Variants in PIK3R5 observed in about 807,000 individuals in gnomAD.
PIK3R5 encodes the protein phosphoinositide-3-kinase regulatory subunit 5, also known as phosphoinositide 3-kinase regulatory subunit 5.
Under a neutral mutation model 94.9 loss-of-function variants are expected in PIK3R5, and 32 were observed. The ratio of observed to expected loss-of-function variants is 0.34; its 90% CI spans 0.25 to 0.45. PIK3R5 has a LOEUF of 0.45. PIK3R5 is among the 20% of genes least tolerant of loss of function. PIK3R5 has a pLI of 1.00. For missense variants in PIK3R5, 853 were observed against 1,144.6 expected, an observed-to-expected ratio of 0.75 and a Z score of 3.68; for synonymous variants, 443 against 479.4, an observed-to-expected ratio of 0.92 and a Z score of 0.99.
chr17:8,903,954 T>G (rs553938610), intron 5 of PIK3R5, among the ~76,000 whole-genome samples: 1 of 152,362 alleles, frequency 6.6e-6, no homozygotes, highest in East Asian at 1.9e-4. Context: ...AGAGGAAGAT[T>G]ATTGGCTCTA....
At chr17:8,907,504 T>C (rs986974276) in intron 3 of PIK3R5, among the ~76,000 whole-genome samples, 1 of 152,164 alleles carries the variant, frequency 6.6e-6, no homozygotes, top group Admixed American at 6.5e-5. Flanking sequence ...TTATAGACTT[T>C]TATGACCTTT....
At chr17:8,895,805 C>T (rs1487477316) in intron 5 of PIK3R5, among the ~76,000 whole-genome samples, 2 of 152,112 alleles carry the variant, frequency 1.3e-5, no homozygotes, top group Non-Finnish European at 2.9e-5. Context: ...ATACCTGTGC[C>T]TCTTGGCACA....
rs140997643 is a variant in PIK3R5, at chr17:8,884,551, C to T, written c.2205+156G>A. Among the ~76,000 whole-genome samples the T allele has an allele frequency of 3.9e-5, 6 of 152,290 alleles. No individual in the cohort carries two copies. Among genetic ancestry groups the T allele is most frequent in the African/African-American group, 1.2e-4 (5 of 41,542 alleles). On this transcript the variant is annotated intron_variant, in intron 15 of 18. Transcript: ENST00000447110. This position sits in a 1 kb window ranked among gnomAD's most constrained non-coding sequence, Gnocchi z 5.8. ...CACAGAGATATCCACTCCTTCCCTT[C>T]TCTGCTTCTCTCAGCATCCAGGGGA...
At chr17:8,947,703 G>A (rs956812748) in intron 1 of PIK3R5, among the ~76,000 whole-genome samples, 6 of 152,116 alleles carry the variant, frequency 3.9e-5, no homozygotes, top group African/African-American at 1.4e-4. Context: ...CCAAGTTAAG[G>A]TGATACGAAA....
At chr17:8,926,298 T>C (rs1384785200) in intron 1 of PIK3R5, among the ~76,000 whole-genome samples, 1 of 152,028 alleles carries the variant, frequency 6.6e-6, no homozygotes, top group East Asian at 1.9e-4. Flanking sequence ...GGCAACTGCT[T>C]TGGGAAGCTT....
At chr17:8,941,589 G>C (rs2091180144) in intron 1 of PIK3R5, among the ~76,000 whole-genome samples, 1 of 152,230 alleles carries the variant, frequency 6.6e-6, no homozygotes, top group Non-Finnish European at 1.5e-5. Context: ...AAGCTGTGCT[G>C]CGCTTGCCCC....
intron 5 of PIK3R5, among the ~76,000 whole-genome samples, chr17:8,900,499 A>G (rs962477139): frequency 6.6e-6 from 1 of 152,252 alleles, no homozygotes; most frequent in Admixed American, 6.5e-5. Context: ...GGTTCCTGCC[A>G]TGGGTACTTG....
At chr17:8,962,391 A>G (rs1053619420) in intron 1 of PIK3R5, among the ~76,000 whole-genome samples, 3 of 152,270 alleles carry the variant, frequency 2.0e-5, no homozygotes, top group African/African-American at 7.2e-5. Flanking sequence ...AAATTATTCA[A>G]TCATATCCAA....
At position 8,955,327 on chromosome 17, in the gene PIK3R5, C is replaced by T. The variant is rs921388152; in HGVS notation, c.-14+10269G>A. On this transcript the variant is annotated intron_variant, in intron 1 of 18. Transcript: ENST00000447110. The surrounding 1 kb of genome is among the most constrained non-coding windows in gnomAD (Gnocchi z 4.4). ...CCTGCAAGGCACTGGAGAGTCAGCA[C>T]TGAACAAAATGATTGGAAAGCTTCC... Among the ~76,000 whole-genome samples the T allele has an allele frequency of 6.6e-6, 1 of 152,184 alleles. No homozygotes were observed. The highest frequency in any genetic ancestry group is 1.5e-5 in the Non-Finnish European group (1 of 68,036).
intron 1 of PIK3R5, among the ~76,000 whole-genome samples, chr17:8,922,045 A>G (rs2090759646): frequency 6.6e-6 from 1 of 152,172 alleles, no homozygotes; most frequent in Non-Finnish European, 1.5e-5. Flanking sequence ...CATCTTGAAT[A>G]TATAAAGAAC....
At chr17:8,957,367 T>C (rs1307335035) in intron 1 of PIK3R5, among the ~76,000 whole-genome samples, 1 of 152,190 alleles carries the variant, frequency 6.6e-6, no homozygotes, top group Non-Finnish European at 1.5e-5. Flanking sequence ...CCTTCTGTCA[T>C]CCCTTTTCCA....
chr17:8,957,368 C>T (rs1165499688), intron 1 of PIK3R5, among the ~76,000 whole-genome samples: 2 of 152,170 alleles, frequency 1.3e-5, no homozygotes, highest in African/African-American at 4.8e-5. Context: ...CTTCTGTCAT[C>T]CCTTTTCCAT....
In PIK3R5 at chr17:8,888,947, A is replaced by G. The variant is rs1020834480; in HGVS notation, c.896-56T>C. The G allele has an allele frequency of 1.1e-5, 17 of 1,551,346 alleles. No individual in the cohort carries two copies. In the East Asian group the frequency reaches 2.3e-4, roughly 21 times the overall value. ...GCGTCTGGGCCCCGGATCCCCTTCTATATTCCCTTTGGAGGGGAGACAGCA... is the reference window on the plus strand; with the variant it reads ...GCGTCTGGGCCCCGGATCCCCTTCTGTATTCCCTTTGGAGGGGAGACAGCA... On this transcript the variant is annotated intron_variant, in intron 9 of 18. Transcript: ENST00000447110. The surrounding 1 kb of genome is among the most constrained non-coding windows in gnomAD (Gnocchi z 7.8).
At chr17:8,921,043 G>A (rs1027521424) in intron 1 of PIK3R5, among the ~76,000 whole-genome samples, 2 of 151,874 alleles carry the variant, frequency 1.3e-5, no homozygotes, top group African/African-American at 2.4e-5. Flanking sequence ...GTTTCACCAT[G>A]TTGGTCAGGT....
rs2089914625 is a variant in PIK3R5, at chr17:8,888,002, A to AAAAAATAAT, written c.1616+168_1616+169insATTATTTTT. The stretch of plus-strand genomic sequence containing the variant: ...GGCAACAGAGCAAGACTCTGTCTCA[A>AAAAAATAAT]AATAATAATAATAATAATAATAATA... On this transcript the variant is annotated intron_variant, in intron 10 of 18. Transcript: ENST00000447110. This position sits in a 1 kb window ranked among gnomAD's most constrained non-coding sequence, Gnocchi z 7.8. Among the ~76,000 whole-genome samples, 1 of 129,528 alleles carries AAAAAATAAT rather than the reference A, an allele frequency of 7.7e-6. No individual in the cohort carries two copies. Among genetic ancestry groups the AAAAAATAAT allele is most frequent in the Non-Finnish European group, 1.6e-5 (1 of 62,076 alleles). The allele number at this position is 129,528 out of a possible 152,430, so 85.0% of individuals were successfully genotyped here.
intron 1 of PIK3R5, among the ~76,000 whole-genome samples, chr17:8,921,986 A>G (rs1430264987): frequency 6.6e-6 from 1 of 152,220 alleles, no homozygotes; most frequent in African/African-American, 2.4e-5. Context: ...AAGGCAAGCC[A>G]TGTTATGGAA....
rs1396009752 is a variant in PIK3R5, at chr17:8,955,367, G to T, written c.-14+10229C>A. 3.3e-5 allele frequency among the ~76,000 whole-genome samples: 5 copies of T among 152,348 alleles called. No homozygotes were observed. The East Asian group carries it at 7.7e-4, about 23-fold the overall frequency. Reference sequence around the variant, plus strand: ...GGAAAGCTTCCCTCATTGGGAAGGGGATGAGTGAGGCAAGAACACACGTTA... The same window carrying T: ...GGAAAGCTTCCCTCATTGGGAAGGGTATGAGTGAGGCAAGAACACACGTTA... On this transcript the variant is annotated intron_variant, in intron 1 of 18. Coordinates refer to ENST00000447110, the MANE Select transcript of PIK3R5 (RefSeq NM_001142633.3). The surrounding 1 kb of genome is among the most constrained non-coding windows in gnomAD (Gnocchi z 4.4).
At chr17:8,965,001 CCACACACACA>C (rs10680170) in intron 1 of PIK3R5, among the ~76,000 whole-genome samples, 6 of 150,696 alleles carry the variant, frequency 4.0e-5, no homozygotes, top group South Asian at 2.1e-4. Flanking sequence ...ATGCGCATGC[CCACACACACA>C]CACACACACA....
chr17:8,913,783 T>C (rs1215780684), intron 1 of PIK3R5, among the ~76,000 whole-genome samples: 1 of 152,224 alleles, frequency 6.6e-6, no homozygotes, highest in African/African-American at 2.4e-5. Context: ...TAGCAGCACC[T>C]GGATGCCCAA....
Sources: gnomAD v4.1 joint callset for allele counts (sites outside exome capture counted in the v4.1 genomes callset) on GRCh38, gnomAD v4.1.1 for gene constraint, Gnocchi (gnomAD v3.1) non-coding constraint, MANE v1.5 for transcripts, NCBI Gene and HGNC (gene_info 2026-07-23, HGNC 2026-07-21) for gene names.